TEX9: variants seen among roughly 807,000 people sequenced by gnomAD.
TEX9 encodes testis-expressed protein 9.
Under a neutral mutation model 59.6 loss-of-function variants are expected in TEX9, and 74 were observed. That is an observed-to-expected ratio of 1.24 (90% confidence interval 1.03 to 1.51). TEX9 has a LOEUF of 1.51. TEX9 is among the 40% of genes most tolerant of loss of function. The pLI, the probability that TEX9 is intolerant of heterozygous loss-of-function variation, is 0.00. For synonymous variants in TEX9, 186 were observed against 152.2 expected, an observed-to-expected ratio of 1.22 and a Z score of -1.64; for missense variants, 522 against 447.8, an observed-to-expected ratio of 1.17 and a Z score of -1.49.
At chr15:56,276,710 G>T (rs561088731) in intron 1 of TEX9, among the ~76,000 whole-genome samples, 213 of 152,242 alleles carry the variant, frequency 1.4e-3, no homozygotes, top group African/African-American at 5.0e-3. Flanking sequence ...GGATTGCTGG[G>T]TCAAATGGTA....
chr15:56,452,450 T>C, the TEX9 span, among the ~76,000 whole-genome samples: 5 of 152,162 alleles, frequency 3.3e-5, no homozygotes, highest in East Asian at 7.7e-4. Context: ...ACTTAGAACG[T>C]ACCAATATTC....
At chr15:56,391,942 T>C (rs2048236048) in intron 7 of TEX9, among the ~76,000 whole-genome samples, 1 of 152,156 alleles carries the variant, frequency 6.6e-6, no homozygotes, top group Non-Finnish European at 1.5e-5. Flanking sequence ...ACTCATTCTT[T>C]GCATATCACT....
At position 56,282,241 on chromosome 15, in the gene TEX9, C is replaced by A. The variant is rs537969322; in HGVS notation, c.-107+37963C>A. On this transcript the variant is annotated intron_variant, in intron 1 of 5. Transcript: ENST00000560827. ...TTTGTATTTCTTAATATAAATAAAT[C>A]ACTTAAAACGTCACAATCATCTCAA... Among the ~76,000 whole-genome samples the A allele has an allele frequency of 2.7e-3, 418 of 152,172 alleles. 4 individuals are homozygous for A. The highest frequency in any genetic ancestry group is 9.8e-3 in the African/African-American group (408 of 41,512).
intron 1 of TEX9, among the ~76,000 whole-genome samples, chr15:56,343,423 A>G (rs1285259221): frequency 6.6e-6 from 1 of 152,258 alleles, no homozygotes; most frequent in Non-Finnish European, 1.5e-5. Flanking sequence ...GAAAATAAAT[A>G]TATTGTAGAG....
intron 1 of TEX9, among the ~76,000 whole-genome samples, chr15:56,338,934 A>G (rs1318682628): frequency 6.6e-6 from 1 of 151,996 alleles, no homozygotes; most frequent in African/African-American, 2.4e-5. Context: ...AAAGTCACTG[A>G]TGTGGTAGGC....
rs144105789 is a variant in TEX9, at chr15:56,259,908, C to A, written c.-107+15630C>A. ...GGTATATCTATTCATCTAGTTAGAT[C>A]TTATGTAATTTTTCTTTGAAATGTT... On this transcript the variant is annotated intron_variant, in intron 1 of 5. Transcript: ENST00000560827. Among the ~76,000 whole-genome samples, 27 of 152,070 alleles carry A rather than the reference C, an allele frequency of 1.8e-4. No individual in the cohort carries two copies. The East Asian group carries it at 4.4e-3, about 25-fold the overall frequency.
chr15:56,323,003 C>A (rs907468780), intron 1 of TEX9, among the ~76,000 whole-genome samples: 1 of 151,954 alleles, frequency 6.6e-6, no homozygotes, highest in Non-Finnish European at 1.5e-5. Flanking sequence ...AAATAAAGAA[C>A]GGAGGCACAG....
intron 12 of TEX9, among the ~76,000 whole-genome samples, 126 bp downstream of exon 12, chr15:56,430,280 C>A (rs1217591422): frequency 6.6e-6 from 1 of 152,192 alleles, no homozygotes; most frequent in Non-Finnish European, 1.5e-5. Flanking sequence ...GATCATGGGT[C>A]ACTGCAGCTT....
intron 1 of TEX9, among the ~76,000 whole-genome samples, chr15:56,284,648 C>T (rs2044901825): frequency 6.6e-6 from 1 of 152,116 alleles, no homozygotes; most frequent in Non-Finnish European, 1.5e-5. Context: ...TCCAAACATG[C>T]CTCTTTACCA....
At chr15:56,310,248 A>G (rs1348810624) in intron 1 of TEX9, among the ~76,000 whole-genome samples, 1 of 152,260 alleles carries the variant, frequency 6.6e-6, no homozygotes, top group Admixed American at 6.5e-5. Context: ...CCTGACCAAC[A>G]TGGTGAAACC....
chr15:56,434,657 C>T (rs1452700267), intron 12 of TEX9, among the ~76,000 whole-genome samples: 5 of 152,220 alleles, frequency 3.3e-5, no homozygotes, highest in Non-Finnish European at 7.4e-5. Flanking sequence ...AGAATTAACA[C>T]GTAACTGCTT....
intron 9 of TEX9, among the ~76,000 whole-genome samples, chr15:56,408,233 A>G (rs1357833595): frequency 1.3e-5 from 2 of 152,176 alleles, no homozygotes; most frequent in African/African-American, 4.8e-5. Flanking sequence ...CCTGCCATTG[A>G]AACTACTCTT....
At chr15:56,319,717 G>A (rs1243770282) in intron 1 of TEX9, among the ~76,000 whole-genome samples, 1 of 152,130 alleles carries the variant, frequency 6.6e-6, no homozygotes, top group Non-Finnish European at 1.5e-5. Flanking sequence ...GTCAAAATTG[G>A]CCCTATGATC....
chr15:56,284,736 T>C (rs1209397538), intron 1 of TEX9, among the ~76,000 whole-genome samples: 1 of 152,140 alleles, frequency 6.6e-6, no homozygotes, highest in African/African-American at 2.4e-5. Flanking sequence ...TTTCTAAATA[T>C]ATCTTTATTG....
chr15:56,278,712 A>G (rs536602901), intron 1 of TEX9, among the ~76,000 whole-genome samples: 3 of 152,244 alleles, frequency 2.0e-5, no homozygotes, highest in African/African-American at 7.2e-5. Context: ...CCCAAAACTC[A>G]GTAAATATCT....
At chr15:56,393,005 C>A (rs1398667789) in intron 7 of TEX9, among the ~76,000 whole-genome samples, 1 of 152,102 alleles carries the variant, frequency 6.6e-6, no homozygotes, top group East Asian at 1.9e-4. Flanking sequence ...TTTGGGAGCA[C>A]AGATTACTTT....
chr15:56,321,151 G>A (rs2045892524), intron 1 of TEX9, among the ~76,000 whole-genome samples: 1 of 152,186 alleles, frequency 6.6e-6, no homozygotes, highest in South Asian at 2.1e-4. Flanking sequence ...CCTAGTAGAT[G>A]CGAATGATTA....
At chr15:56,301,806 A>G (rs1478906740) in intron 1 of TEX9, among the ~76,000 whole-genome samples, 2 of 152,204 alleles carry the variant, frequency 1.3e-5, no homozygotes, top group African/African-American at 2.4e-5. Context: ...AAGTTCTTCA[A>G]TCTGAAAGAA....
intron 9 of TEX9, among the ~76,000 whole-genome samples, chr15:56,399,858 C>T (rs2039049952): frequency 6.6e-6 from 1 of 152,176 alleles, no homozygotes; most frequent in Non-Finnish European, 1.5e-5. Flanking sequence ...TGGAGTGGAC[C>T]TCCAGCAAAC....
Sources: gnomAD v4.1 joint callset for allele counts (sites outside exome capture counted in the v4.1 genomes callset) on GRCh38, gnomAD v4.1.1 for gene constraint, MANE v1.5 for transcripts, NCBI Gene and HGNC (gene_info 2026-07-23, HGNC 2026-07-21) for gene names.